HPSE2: variants seen among roughly 807,000 people sequenced by gnomAD.
HPSE2 encodes the protein heparanase 2 (inactive).
HPSE2 carries 38 observed loss-of-function variants against 60.5 expected under a neutral mutation model. That is an observed-to-expected ratio of 0.63 (90% CI 0.48 to 0.82). The LOEUF is 0.82. Ranked by LOEUF, HPSE2 falls within the 40% of genes least tolerant of loss-of-function variation. HPSE2 has a pLI of 0.00. For synonymous variants in HPSE2, 295 were observed against 293.2 expected, an observed-to-expected ratio of 1.01 and a Z score of -0.06; for missense variants, 713 against 740.4, an observed-to-expected ratio of 0.96 and a Z score of 0.43.
chr10:99,114,209 C>A (rs1468017243), intron 3 of HPSE2, among the ~76,000 whole-genome samples: 1 of 152,232 alleles, frequency 6.6e-6, no homozygotes, highest in Non-Finnish European at 1.5e-5. Context: ...CCTCTACACC[C>A]TCTCTGGCCC....
In HPSE2 at chr10:98,717,261, A is replaced by C. The variant is rs182322386; in HGVS notation, c.956+4396T>G. ...AATATTGTGGCTGGTTTGATCTTCT[A>C]TCTAGATCACTACAACCTTCTCCAT... is the stretch of plus-strand genomic sequence containing the variant. On this transcript the variant is annotated intron_variant, in intron 5 of 11. Transcript: ENST00000370552. Among the ~76,000 whole-genome samples, 168 of 152,186 alleles carry C rather than the reference A, an allele frequency of 1.1e-3. 2 individuals are homozygous for C. Among genetic ancestry groups the C allele is most frequent in the African/African-American group, 3.8e-3 (158 of 41,544 alleles).
rs146430792 is a variant in HPSE2, at chr10:99,161,319, A to G, written c.449-16920T>C. Among the ~76,000 whole-genome samples, 279 of 152,276 alleles carry G rather than the reference A, an allele frequency of 1.8e-3. 1 individual carries two copies. Among genetic ancestry groups the G allele is most frequent in the Middle Eastern group, 0.01 (3 of 294 alleles). ...CAAATGTCCAGAAACTAGTAAATGG[A>G]TAAACAAAATGTGGCAAATCCATAA... On this transcript the variant is annotated intron_variant, in intron 2 of 11. Transcript: ENST00000370552.
chr10:98,571,923 G>A (rs1290566412), intron 9 of HPSE2, among the ~76,000 whole-genome samples: 1 of 148,026 alleles, frequency 6.8e-6, no homozygotes, highest in Non-Finnish European at 1.5e-5. Context: ...CTAATTCAGA[G>A]CAAGAGAATT....
At chr10:98,623,680 A>G (rs975697033) in intron 7 of HPSE2, among the ~76,000 whole-genome samples, 2 of 152,204 alleles carry the variant, frequency 1.3e-5, no homozygotes, top group Non-Finnish European at 2.9e-5. Context: ...CTTCATCCAC[A>G]TTTAAAGTCA....
chr10:98,484,325 C>T (rs1326843843), intron 10 of HPSE2, among the ~76,000 whole-genome samples: 2 of 152,164 alleles, frequency 1.3e-5, no homozygotes, highest in African/African-American at 4.8e-5. Context: ...GCAACCTCCG[C>T]CTCCTGCGTT....
At chr10:98,723,056 A>T (rs548915233) in intron 4 of HPSE2, among the ~76,000 whole-genome samples, 1 of 152,120 alleles carries the variant, frequency 6.6e-6, no homozygotes, top group Non-Finnish European at 1.5e-5. Flanking sequence ...TTTCAAAGGG[A>T]ATGCTTCTAG....
intron 3 of HPSE2, among the ~76,000 whole-genome samples, chr10:98,849,964 G>T (rs1395493903): frequency 1.3e-5 from 2 of 152,080 alleles, no homozygotes; most frequent in Non-Finnish European, 2.9e-5. Context: ...GGCTGGCCTT[G>T]AACTCCTGAC....
intron 3 of HPSE2, among the ~76,000 whole-genome samples, chr10:98,902,420 G>T (rs557488264): frequency 2.0e-4 from 30 of 152,176 alleles, no homozygotes; most frequent in African/African-American, 6.5e-4. Flanking sequence ...AAGATCTCAG[G>T]TAACTTTATC....
At chr10:98,587,654 A>G (rs1176597417) in intron 9 of HPSE2, among the ~76,000 whole-genome samples, 5 of 152,116 alleles carry the variant, frequency 3.3e-5, no homozygotes, top group African/African-American at 1.2e-4. Context: ...TCTTGATCCA[A>G]ATATTTCTGA....
intron 3 of HPSE2, among the ~76,000 whole-genome samples, chr10:98,881,403 C>T (rs994890336): frequency 1.3e-5 from 2 of 151,960 alleles, no homozygotes; most frequent in Non-Finnish European, 2.9e-5. Context: ...GTAATAAAGT[C>T]AGGATCCAAA....
chr10:98,837,850 G>C (rs975644387), intron 3 of HPSE2, among the ~76,000 whole-genome samples: 2 of 151,238 alleles, frequency 1.3e-5, no homozygotes, highest in African/African-American at 4.8e-5. Context: ...CTCCAGCCTG[G>C]GCGACAGAGC....
rs765233548 is a variant in HPSE2 at position 98,938,432 on chromosome 10, C to T, written c.611-194376G>A. Among the ~76,000 whole-genome samples the T allele has an allele frequency of 6.3e-5, 9 of 143,888 alleles. 1 individual carries two copies. The highest frequency in any genetic ancestry group is 1.2e-4 in the Non-Finnish European group (8 of 67,170). 94.4% of individuals were successfully genotyped at this position (143,888 alleles called of 152,430 possible). On this transcript the variant is annotated intron_variant, in intron 3 of 11. Transcript: ENST00000370552. ...GCTGAAAGCCAAGGCTCGAGAACTA[C>T]GTGAAGAATGCAGAAGCCTCAGGAG...
At chr10:98,522,638 C>T (rs778530926) in intron 9 of HPSE2, among the ~76,000 whole-genome samples, 1 of 152,142 alleles carries the variant, frequency 6.6e-6, no homozygotes, top group African/African-American at 2.4e-5. Flanking sequence ...CAATGCCCGG[C>T]TAATTTTTTT....
intron 9 of HPSE2, among the ~76,000 whole-genome samples, chr10:98,607,015 T>C (rs1436082575): frequency 7.9e-5 from 12 of 152,024 alleles, no homozygotes; most frequent in African/African-American, 2.7e-4. Flanking sequence ...GCAAAGGACA[T>C]TTCTTTTTTT....
At chr10:99,155,665 T>G (rs1402610160) in intron 2 of HPSE2, among the ~76,000 whole-genome samples, 2 of 148,314 alleles carry the variant, frequency 1.3e-5, no homozygotes, top group Non-Finnish European at 3.0e-5. Flanking sequence ...AGATCCAAAA[T>G]TGACACCCTA....
chr10:98,651,066 T>C (rs1396969280), intron 6 of HPSE2, among the ~76,000 whole-genome samples: 1 of 152,202 alleles, frequency 6.6e-6, no homozygotes. Context: ...ACTTTTACAG[T>C]CAGCAAATTC....
chr10:99,096,726 G>A (rs1450761831), intron 3 of HPSE2, among the ~76,000 whole-genome samples: 1 of 152,008 alleles, frequency 6.6e-6, no homozygotes, highest in Non-Finnish European at 1.5e-5. Context: ...CCCACAGCGG[G>A]GGAAAAGCAT....
At chr10:98,461,854 C>G (rs372454129) in intron 11 of HPSE2, 2 of 1,446,722 alleles carry the variant, frequency 1.4e-6, no homozygotes, top group African/African-American at 2.8e-5. Flanking sequence ...ATTAGCAAAC[C>G]TTTAAAAATC....
At chr10:98,640,250 ATGCTC>A (rs1946604148) in intron 7 of HPSE2, among the ~76,000 whole-genome samples, 1 of 152,226 alleles carries the variant, frequency 6.6e-6, no homozygotes, top group East Asian at 1.9e-4. Flanking sequence ...TACTTGCTAA[ATGCTC>A]AGTGAATATT....
Sources: allele counts gnomAD v4.1 joint callset (sites outside exome capture counted in the v4.1 genomes callset), GRCh38; gene constraint gnomAD v4.1.1; transcripts MANE v1.5; gene names NCBI Gene and HGNC (gene_info 2026-07-23, HGNC 2026-07-21).